Variants in FHOD3 observed in about 807,000 individuals in gnomAD.
The protein encoded by FHOD3 is formin homology 2 domain containing 3.
A neutral mutation model predicts 173.0 loss-of-function variants in FHOD3; 90 were observed. The observed-to-expected ratio is 0.52, with a 90% confidence interval of 0.44 to 0.62. The LOEUF is 0.62. Among genes scored for constraint, FHOD3 ranks in the 20% least tolerant of loss-of-function variants. The pLI is 0.00. For synonymous variants in FHOD3, 828 were observed against 823.0 expected (o/e 1.01, Z -0.10); for missense variants, 1,945 against 2,034.7 (o/e 0.96, Z 0.85).
At chr18:36,390,305 T>C (rs2048236856) in intron 3 of FHOD3, among the ~76,000 whole-genome samples, 1 of 152,194 alleles carries the variant, frequency 6.6e-6, no homozygotes, top group Admixed American at 6.5e-5. Context: ...TGGAGGAGCA[T>C]GGCTGTGCTG....
chr18:36,361,079 T>G (rs146905679), intron 2 of FHOD3, among the ~76,000 whole-genome samples: 1 of 152,212 alleles, frequency 6.6e-6, no homozygotes, highest in Admixed American at 6.5e-5. Context: ...TTTTTTCCTC[T>G]TAAGGTAGTT....
chr18:36,325,071 C>T (rs2044600535), intron 1 of FHOD3, among the ~76,000 whole-genome samples: 1 of 152,064 alleles, frequency 6.6e-6, no homozygotes, highest in Non-Finnish European at 1.5e-5. Flanking sequence ...AATCTAGACA[C>T]AGGAGAGTAC....
At chr18:36,751,897 A>G (rs1002624762) in intron 24 of FHOD3, among the ~76,000 whole-genome samples, 53 of 152,176 alleles carry the variant, frequency 3.5e-4, no homozygotes, top group Admixed American at 3.5e-3. Flanking sequence ...AAGAGAAGAA[A>G]GCTGTTATTA....
In FHOD3 at chr18:36,652,552, T is replaced by C. The variant is rs2036133940; in HGVS notation, c.1287-18T>C. 4.6e-6 allele frequency: 7 copies of C among 1,514,684 alleles called. No homozygotes were observed. Among genetic ancestry groups the C allele is most frequent in the Non-Finnish European group, 6.2e-6 (7 of 1,134,178 alleles). 93.8% of individuals were successfully genotyped at this position (1,514,684 alleles called of 1,614,324 possible). On this transcript the variant is annotated intron_variant, in intron 11 of 28. Coordinates refer to ENST00000590592, the MANE Select transcript of FHOD3 (RefSeq NM_001281740.3). ...AATCTTTTTTTCTTCTTCCTCCTCC[T>C]CCCTGCTGGCCCAACAGCAAGGTCG...
intron 3 of FHOD3, among the ~76,000 whole-genome samples, chr18:36,427,856 C>T (rs1203933927): frequency 6.6e-6 from 1 of 152,184 alleles, no homozygotes; most frequent in East Asian, 1.9e-4. Context: ...ATTGCAGGCA[C>T]TGTCACTGGA....
chr18:36,344,323 G>C (rs1380958508), intron 1 of FHOD3, among the ~76,000 whole-genome samples: 1 of 152,114 alleles, frequency 6.6e-6, no homozygotes, highest in Non-Finnish European at 1.5e-5. Flanking sequence ...TACTTCATGG[G>C]ATTTAAAATG....
chr18:36,598,190 T>A (rs1247717104), intron 7 of FHOD3, among the ~76,000 whole-genome samples: 1 of 152,236 alleles, frequency 6.6e-6, no homozygotes, highest in African/African-American at 2.4e-5. Flanking sequence ...TCAAAGTGGC[T>A]TTAGACTCAT....
At chr18:36,364,325 A>G (rs1268333996) in intron 2 of FHOD3, among the ~76,000 whole-genome samples, 2 of 152,214 alleles carry the variant, frequency 1.3e-5, no homozygotes, top group African/African-American at 4.8e-5. Flanking sequence ...CTCTGGGTCT[A>G]GGTGGCTCCT....
At chr18:36,482,372 A>G (rs767483145) in intron 3 of FHOD3, among the ~76,000 whole-genome samples, 11 of 152,208 alleles carry the variant, frequency 7.2e-5, no homozygotes, top group Non-Finnish European at 1.0e-4. Context: ...TTAGATAGCC[A>G]GGGAAGTCTC....
rs1389545700 is a variant in FHOD3 at position 36,475,656 on chromosome 18, A to G, written c.338-26276A>G. On this transcript the variant is annotated intron_variant, in intron 3 of 28. Coordinates refer to ENST00000590592, the MANE Select transcript of FHOD3 (RefSeq NM_001281740.3). ...CATGCTGCTTAGTTTAAATGTATATATGATGTTAATTTATTCATTTAACAA... is the reference window on the plus strand; with the variant it reads ...CATGCTGCTTAGTTTAAATGTATATGTGATGTTAATTTATTCATTTAACAA... 3.9e-5 allele frequency among the ~76,000 whole-genome samples: 6 copies of G among 152,134 alleles called. No homozygotes were observed. The South Asian group carries it at 6.2e-4, about 16-fold the overall frequency.
At chr18:36,673,279 A>C (rs1479333263) in intron 14 of FHOD3, among the ~76,000 whole-genome samples, 1 of 152,210 alleles carries the variant, frequency 6.6e-6, no homozygotes, top group Non-Finnish European at 1.5e-5. Context: ...GAAAAAGGAG[A>C]GGTTACTGTT....
chr18:36,385,236 C>T (rs182580950), intron 3 of FHOD3, among the ~76,000 whole-genome samples: 5 of 152,164 alleles, frequency 3.3e-5, no homozygotes, highest in South Asian at 2.1e-4. Context: ...TTTAAGCAGC[C>T]GACAGATTTG....
intron 3 of FHOD3, among the ~76,000 whole-genome samples, chr18:36,387,900 A>C (rs1377944998): frequency 2.0e-5 from 3 of 152,004 alleles, no homozygotes; most frequent in Non-Finnish European, 2.9e-5. Flanking sequence ...GAAGGGGTAG[A>C]GGCTGTTCCT....
intron 18 of FHOD3, among the ~76,000 whole-genome samples, chr18:36,711,914 A>G (rs9964666): frequency 0.53 from 79,910 of 152,060 alleles, 21,204 homozygotes; most frequent in South Asian, 0.57. Context: ...GACTGATAAG[A>G]AGCTGAACCT....
At chr18:36,703,628 A>T (rs1039105454) in intron 17 of FHOD3, among the ~76,000 whole-genome samples, 7 of 152,282 alleles carry the variant, frequency 4.6e-5, no homozygotes, top group Admixed American at 1.3e-4. Context: ...GCAGGACCTG[A>T]TGTCCAGTGA....
chr18:36,426,630 C>A (rs1460378589), intron 3 of FHOD3, among the ~76,000 whole-genome samples: 1 of 152,150 alleles, frequency 6.6e-6, no homozygotes, highest in Non-Finnish European at 1.5e-5. Flanking sequence ...ACCCCAAAAG[C>A]AGAAAGCATA....
intron 20 of FHOD3, among the ~76,000 whole-genome samples, chr18:36,736,726 A>G (rs1428075104): frequency 6.6e-6 from 1 of 152,110 alleles, no homozygotes; most frequent in Non-Finnish European, 1.5e-5. Context: ...TTATGGGTAC[A>G]GGATGGGGGT....
At chr18:36,315,303 AG>A (rs2044063045) in intron 1 of FHOD3, among the ~76,000 whole-genome samples, 1 of 152,226 alleles carries the variant, frequency 6.6e-6, no homozygotes, top group South Asian at 2.1e-4. Context: ...GGAGATGTTT[AG>A]GGCATTGACC....
intron 6 of FHOD3, among the ~76,000 whole-genome samples, chr18:36,590,482 G>A (rs974707629): frequency 5.9e-5 from 9 of 152,160 alleles, no homozygotes; most frequent in African/African-American, 1.4e-4. Context: ...ATATTTTGAC[G>A]ATGAGTTAGT....
Sources: allele counts gnomAD v4.1 joint callset (sites outside exome capture counted in the v4.1 genomes callset), GRCh38; gene constraint gnomAD v4.1.1; transcripts MANE v1.5; gene names NCBI Gene and HGNC (gene_info 2026-07-23, HGNC 2026-07-21).